Variants in EFNA5 observed in about 807,000 individuals in gnomAD.
EFNA5 encodes ephrin A5.
A neutral mutation model predicts 22.9 loss-of-function variants in EFNA5; 5 were observed. The observed-to-expected ratio is 0.22, with a 90% CI of 0.11 to 0.46. The LOEUF (loss-of-function observed/expected upper bound fraction) is 0.46, where lower values mean the gene tolerates loss of function less well. EFNA5 is among the 20% of genes least tolerant of loss of function. The pLI is 0.99. For synonymous variants in EFNA5, 113 were observed against 112.2 expected (o/e 1.01, Z -0.04); for missense variants, 237 against 293.3 (o/e 0.81, Z 1.40).
chr5:107,437,710 T>C (rs955295646), intron 1 of EFNA5, among the ~76,000 whole-genome samples: 4 of 122,192 alleles, frequency 3.3e-5, no homozygotes, highest in African/African-American at 1.3e-4. Context: ...GGAATGTAGC[T>C]GAAGGGTATG....
At chr5:107,538,162 T>C (rs1747965654) in intron 1 of EFNA5, among the ~76,000 whole-genome samples, 1 of 152,112 alleles carries the variant, frequency 6.6e-6, no homozygotes, top group Non-Finnish European at 1.5e-5. Context: ...CCACAAAGGG[T>C]GCATCTCCAA....
intron 1 of EFNA5, among the ~76,000 whole-genome samples, chr5:107,516,212 T>TGTG (rs1747476906): frequency 2.2e-5 from 1 of 45,170 alleles, no homozygotes; most frequent in East Asian, 7.1e-4. Context: ...GTGTGTGTGT[T>TGTG]AATTTTTGGA....
intron 1 of EFNA5, among the ~76,000 whole-genome samples, chr5:107,467,731 G>C (rs1195680112): frequency 6.6e-6 from 1 of 152,114 alleles, no homozygotes; most frequent in Non-Finnish European, 1.5e-5. Context: ...GGAAAAGCCA[G>C]CTCTGAGTGC....
Position 107,380,373 on chromosome 5 carries a change from TTAAAAAAAAAAAAAAAAAAAAAAA to T in EFNA5, c.*858_*881del, listed in dbSNP as rs1270653416. 9.6e-5 allele frequency: 4 copies of T among 41,586 alleles called. No homozygotes were observed. The highest frequency in any genetic ancestry group is 1.3e-4 in the Non-Finnish European group (3 of 22,308). The allele number at this position is 41,586 out of a possible 1,614,324, so 2.6% of individuals were successfully genotyped here. ...TCATAAAAATGCCTCTTTGAGTTTC[TTAAAAAAAAAAAAAAAAAAAAAAA>T]AAAAAAAAAAAAAAGTTGTAGCACC... On this transcript the variant is annotated 3_prime_UTR_variant, in exon 5 of 5. Coordinates refer to ENST00000333274, the MANE Select transcript of EFNA5 (RefSeq NM_001962.3).
intron 1 of EFNA5, among the ~76,000 whole-genome samples, chr5:107,514,448 T>C (rs1747435326): frequency 6.6e-6 from 1 of 152,170 alleles, no homozygotes; most frequent in African/African-American, 2.4e-5. Context: ...TTCTCTGTGG[T>C]AGGCAGAGAA....
In EFNA5 at chr5:107,447,106, G is replaced by A. The variant is rs549672126; in HGVS notation, c.126-19597C>T. Among the ~76,000 whole-genome samples, 14 of 152,312 alleles carry A rather than the reference G, an allele frequency of 9.2e-5. No individual in the cohort carries two copies. The East Asian group carries it at 2.5e-3, about 27-fold the overall frequency. ...CCCAGCAGAGTTAAGACCCCTGAGA[G>A]ACTGGTGAACACAGTGGGTAAGTTT... On this transcript the variant is annotated intron_variant, in intron 1 of 4. Coordinates refer to ENST00000333274, the MANE Select transcript of EFNA5 (RefSeq NM_001962.3).
At chr5:107,425,359 T>C (rs188792938) in intron 2 of EFNA5, among the ~76,000 whole-genome samples, 9 of 152,328 alleles carry the variant, frequency 5.9e-5, no homozygotes, top group Non-Finnish European at 8.8e-5. Context: ...TTTTTTAATC[T>C]GAGAAGCCAG....
At chr5:107,487,538 CA>C (rs1270419805) in intron 1 of EFNA5, among the ~76,000 whole-genome samples, 1 of 152,148 alleles carries the variant, frequency 6.6e-6, no homozygotes, top group Non-Finnish European at 1.5e-5. Flanking sequence ...AGGCAGATGA[CA>C]GGGGCAGAGT....
At chr5:107,631,521 A>T in intron 1 of EFNA5, among the ~76,000 whole-genome samples, 1 of 152,130 alleles carries the variant, frequency 6.6e-6, no homozygotes, top group East Asian at 1.9e-4. Context: ...CCAAAAAATT[A>T]TTGTTTTATA....
intron 1 of EFNA5, among the ~76,000 whole-genome samples, chr5:107,633,963 G>A (rs1300947449): frequency 6.6e-6 from 1 of 151,978 alleles, no homozygotes; most frequent in Non-Finnish European, 1.5e-5. Flanking sequence ...GAAAAAAAAG[G>A]GAAACAATTC....
chr5:107,553,000 G>T (rs964315362), intron 1 of EFNA5, among the ~76,000 whole-genome samples: 2 of 151,818 alleles, frequency 1.3e-5, no homozygotes, highest in Admixed American at 1.3e-4. Flanking sequence ...ATAAATAAAT[G>T]CAAGTTGCTA....
chr5:107,658,872 C>A (rs1424879729), intron 1 of EFNA5, among the ~76,000 whole-genome samples: 1 of 152,096 alleles, frequency 6.6e-6, no homozygotes, highest in Non-Finnish European at 1.5e-5. Context: ...AATTACTAAC[C>A]GAATGCTTCA....
intron 1 of EFNA5, among the ~76,000 whole-genome samples, chr5:107,460,219 T>C (rs1040073868): frequency 2.0e-5 from 3 of 152,184 alleles, no homozygotes; most frequent in Admixed American, 6.6e-5. Flanking sequence ...ATCTCCTTTT[T>C]GATTTTGCTG....
chr5:107,569,403 ATATATATATATTTATGTATATGTGTG>A, intron 1 of EFNA5, among the ~76,000 whole-genome samples: 4 of 132,386 alleles, frequency 3.0e-5, no homozygotes, highest in South Asian at 4.3e-4. Flanking sequence ...ATGTGTGTAT[ATATATATATATTTATGTATATGTGTG>A]TATATATATA....
rs558266066 is a variant in EFNA5, at chr5:107,667,402, G to A, written c.125+3087C>T. ...GCAAATAAATTTAATATTTTTTCCC[G>A]TGAAACTACATCTATAGATGCTCAT... On this transcript the variant is annotated intron_variant, in intron 1 of 4. Transcript: ENST00000333274. Among the ~76,000 whole-genome samples the A allele has an allele frequency of 3.4e-5, 5 of 148,724 alleles. No homozygotes were observed. In the East Asian group the frequency reaches 5.8e-4, roughly 17 times the overall value.
At chr5:107,402,629 C>T (rs1265327417) in intron 2 of EFNA5, among the ~76,000 whole-genome samples, 1 of 152,166 alleles carries the variant, frequency 6.6e-6, no homozygotes, top group African/African-American at 2.4e-5. Context: ...CACAGGCTTC[C>T]GGGTGTGGAT....
At position 107,643,272 on chromosome 5, in the gene EFNA5, G is replaced by A. The variant is rs546196282; in HGVS notation, c.125+27217C>T. 4.6e-5 allele frequency among the ~76,000 whole-genome samples: 7 copies of A among 152,306 alleles called. No individual in the cohort carries two copies. In the East Asian group the frequency reaches 1.2e-3, roughly 25 times the overall value. On this transcript the variant is annotated intron_variant, in intron 1 of 4. Transcript: ENST00000333274. ...TAGGGGTTCTGATAAGCACTGGACT[G>A]TATGGACTTTAGTGGTAGCAATTCT...
intron 1 of EFNA5, among the ~76,000 whole-genome samples, chr5:107,451,434 T>C (rs1749557701): frequency 6.6e-6 from 1 of 152,160 alleles, no homozygotes; most frequent in African/African-American, 2.4e-5. Flanking sequence ...GAGCCACAAA[T>C]AGACTCAATC....
chr5:107,517,498 T>G (rs1163785786), intron 1 of EFNA5, among the ~76,000 whole-genome samples: 1 of 152,230 alleles, frequency 6.6e-6, no homozygotes, highest in African/African-American at 2.4e-5. Context: ...ACGGTTGTTG[T>G]GAATATTAAA....
Sources: allele counts gnomAD v4.1 joint callset (sites outside exome capture counted in the v4.1 genomes callset), GRCh38; gene constraint gnomAD v4.1.1; transcripts MANE v1.5; gene names NCBI Gene and HGNC (gene_info 2026-07-23, HGNC 2026-07-21).